Variants in CCPG1 observed in about 807,000 individuals in gnomAD.
CCPG1 encodes the protein cell cycle progression 1.
In CCPG1, 46 loss-of-function variants were observed where a neutral mutation model predicts 81.3. The observed-to-expected ratio is 0.57, with a 90% CI of 0.45 to 0.72. The LOEUF (loss-of-function observed/expected upper bound fraction) is 0.72. CCPG1 is among the 30% of genes least tolerant of loss of function. The pLI is 0.00. For missense variants in CCPG1, 902 were observed against 937.6 expected, an observed-to-expected ratio of 0.96 and a Z score of 0.50; for synonymous variants, 330 against 305.2, an observed-to-expected ratio of 1.08 and a Z score of -0.85.
chr15:55,389,638 C>G (rs541263758), intron 1 of CCPG1, among the ~76,000 whole-genome samples: 1 of 152,070 alleles, frequency 6.6e-6, no homozygotes, highest in Non-Finnish European at 1.5e-5. Context: ...ATAAGGAGAC[C>G]CTCCTGGACT....
At chr15:55,361,284 C>A (rs2056189509) in intron 7 of CCPG1, among the ~76,000 whole-genome samples, 1 of 151,608 alleles carries the variant, frequency 6.6e-6, no homozygotes, top group African/African-American at 2.4e-5. Context: ...TCTCCAGCCT[C>A]CCAAAGTGCT....
chr15:55,371,841 T>C lies in CCPG1; in HGVS notation c.658A>G (p.Ile220Val). 6.2e-7 allele frequency: 1 copy of C among 1,614,126 alleles called. No homozygotes were observed. The highest frequency in any genetic ancestry group is 8.5e-7 in the Non-Finnish European group (1 of 1,180,002). The change falls in exon 6 of 9, where the codon ATA (isoleucine) becomes GTA (valine). Residue 220 changes from isoleucine (I) to valine (V), a missense_variant. Physicochemically the swap from Ile to Val is conservative, Grantham distance 29. Coordinates refer to ENST00000442196, the MANE Select transcript of CCPG1 (RefSeq NM_001204450.2). ...CTGATTGCAATCACCAAAGCAAGTA[T>C]AACACACTTATTGAGACCACTACTG... ...QFSSGLNKCV[I>V]LALVIAISMG...
At chr15:55,397,459 G>A (rs981565659) in intron 1 of CCPG1, among the ~76,000 whole-genome samples, 1 of 152,174 alleles carries the variant, frequency 6.6e-6, no homozygotes, top group Non-Finnish European at 1.5e-5. Context: ...TGGCTACTAT[G>A]ATAATCCAGG....
chr15:55,357,072 AG>A, intron 8 of CCPG1: 1 of 985,412 alleles, frequency 1.0e-6, no homozygotes, highest in Non-Finnish European at 1.2e-6. Flanking sequence ...GTGTTCTCCC[AG>A]GAGTCTGATA....
chr15:55,384,881 A>G (rs948700616), intron 3 of CCPG1, among the ~76,000 whole-genome samples: 20 of 152,238 alleles, frequency 1.3e-4, no homozygotes, highest in Admixed American at 6.5e-5. Context: ...TCAACATGAT[A>G]ATAACTGGAA....
intron 3 of CCPG1, among the ~76,000 whole-genome samples, chr15:55,381,514 T>C (rs1026301568): frequency 1.3e-5 from 2 of 152,208 alleles, no homozygotes; most frequent in African/African-American, 4.8e-5. Context: ...TGTCCATAGC[T>C]TTCAGATTCT....
rs111247245 is a variant in CCPG1 at position 55,365,419 on chromosome 15, GTTT to G, written c.707-113_707-111del. 506 of 478,182 alleles carry G rather than the reference GTTT, an allele frequency of 1.1e-3. 1 individual carries two copies. Among genetic ancestry groups the G allele is most frequent in the African/African-American group, 8.4e-3 (297 of 35,296 alleles). 29.6% of individuals were successfully genotyped at this position (478,182 alleles called of 1,614,324 possible). On this transcript the variant is annotated intron_variant, in intron 6 of 8. Transcript: ENST00000442196. ...ATATAAGCTATGTAGTCTTTTTTTTGTTTTTTTTTTTTGTTTTTTTTTTGTTTT... is the reference window on the plus strand; with the variant it reads ...ATATAAGCTATGTAGTCTTTTTTTTGTTTTTTTTTGTTTTTTTTTTGTTTT...
At chr15:55,401,143 G>C (rs770743159) in intron 1 of CCPG1, among the ~76,000 whole-genome samples, 4 of 151,692 alleles carry the variant, frequency 2.6e-5, no homozygotes, top group Non-Finnish European at 5.9e-5. Flanking sequence ...TTTTCTTTTG[G>C]TGTGAAGTGG....
intron 5 of CCPG1, among the ~76,000 whole-genome samples, 165 bp downstream of exon 5, chr15:55,376,784 G>A (rs1482477395): frequency 6.6e-6 from 1 of 152,144 alleles, no homozygotes; most frequent in Non-Finnish European, 1.5e-5. Context: ...GAACAGTCTA[G>A]CGAAACACTA....
intron 4 of CCPG1, 24 bp from the exon 5 acceptor site, chr15:55,377,174 T>A (rs778686155): frequency 1.3e-6 from 2 of 1,538,276 alleles, no homozygotes; most frequent in Non-Finnish European, 1.8e-6. Flanking sequence ...ATTTTAGAGA[T>A]GGTAAGTTCA....
chr15:55,371,084 GC>G (rs2056439952), intron 6 of CCPG1, among the ~76,000 whole-genome samples: 1 of 152,136 alleles, frequency 6.6e-6, no homozygotes, highest in South Asian at 2.1e-4. Flanking sequence ...CTGCACTCCA[GC>G]CTGGGCGACA....
intron 1 of CCPG1, among the ~76,000 whole-genome samples, chr15:55,406,450 G>GT (rs751788415): frequency 0.091 from 8,068 of 89,066 alleles, 248 homozygotes; most frequent in Middle Eastern, 0.13. Flanking sequence ...TTTTTTTTTT[G>GT]TTTTTTTTTT....
At chr15:55,391,943 C>CAAGA (rs2056926129) in intron 1 of CCPG1, among the ~76,000 whole-genome samples, 2 of 138,246 alleles carry the variant, frequency 1.4e-5, no homozygotes, top group South Asian at 4.7e-4. Context: ...ACGGAGAGGC[C>CAAGA]AAGACGGAAG....
intron 1 of CCPG1, among the ~76,000 whole-genome samples, chr15:55,400,203 CAAAAA>C (rs61331208): frequency 2.1e-4 from 7 of 32,954 alleles, no homozygotes; most frequent in East Asian, 1.9e-3. Context: ...TACTCTACCT[CAAAAA>C]AAAAAAAAAA....
intron 1 of CCPG1, among the ~76,000 whole-genome samples, chr15:55,405,794 A>C (rs2057206893): frequency 6.6e-6 from 1 of 152,192 alleles, no homozygotes; most frequent in Non-Finnish European, 1.5e-5. Flanking sequence ...CTACTCTCCA[A>C]ATAATTTACA....
intron 1 of CCPG1, among the ~76,000 whole-genome samples, chr15:55,390,155 C>G (rs1338554385): frequency 6.6e-6 from 1 of 152,310 alleles, no homozygotes; most frequent in East Asian, 1.9e-4. Flanking sequence ...AACTCCTGAC[C>G]TCGTGATCCG....
At chr15:55,356,592 T>C in intron 8 of CCPG1, 183 bp from the exon 9 acceptor site, 4 of 1,235,796 alleles carry the variant, frequency 3.2e-6, no homozygotes, top group Non-Finnish European at 4.1e-6. Flanking sequence ...TTTTTTGTCC[T>C]ATAGAAAGAA....
At chr15:55,392,129 A>G (rs2141322786) in intron 1 of CCPG1, among the ~76,000 whole-genome samples, 1 of 152,196 alleles carries the variant, frequency 6.6e-6, no homozygotes, top group African/African-American at 2.4e-5. Flanking sequence ...AGAAAAATGT[A>G]AAAGAATATG....
chr15:55,371,263 T>C (rs2056444574), intron 6 of CCPG1, among the ~76,000 whole-genome samples: 1 of 152,166 alleles, frequency 6.6e-6, no homozygotes. Flanking sequence ...TCAATCATAA[T>C]AAAGAGCAAA....
Sources: allele counts gnomAD v4.1 joint callset (sites outside exome capture counted in the v4.1 genomes callset), GRCh38; gene constraint gnomAD v4.1.1; transcripts MANE v1.5; gene names NCBI Gene and HGNC (gene_info 2026-07-23, HGNC 2026-07-21).